MCU: variants seen among roughly 807,000 people sequenced by gnomAD.
MCU encodes the protein calcium uniporter protein, mitochondrial.
MCU carries 12 observed loss-of-function variants against 45.2 expected under a neutral mutation model. The observed-to-expected ratio is 0.27, with a 90% CI of 0.17 to 0.43. The LOEUF (loss-of-function observed/expected upper bound fraction) is 0.43. MCU is among the 20% of genes least tolerant of loss of function. MCU has a pLI of 1.00. For missense variants in MCU, 324 were observed against 436.7 expected, an observed-to-expected ratio of 0.74 and a Z score of 2.30; for synonymous variants, 160 against 165.1, an observed-to-expected ratio of 0.97 and a Z score of 0.24.
chr10:72,752,881 A>G (rs1171714966), intron 1 of MCU, among the ~76,000 whole-genome samples: 1 of 152,250 alleles, frequency 6.6e-6, no homozygotes, highest in Non-Finnish European at 1.5e-5. Flanking sequence ...ATTCATTTTG[A>G]AGTTGAAATG....
intron 1 of MCU, among the ~76,000 whole-genome samples, chr10:72,763,363 C>G (rs1051365149): frequency 1.3e-5 from 2 of 152,086 alleles, no homozygotes; most frequent in Non-Finnish European, 2.9e-5. Flanking sequence ...CTTCGAGGAG[C>G]AGATCAGCTG....
intron 2 of MCU, among the ~76,000 whole-genome samples, chr10:72,834,923 A>G (rs1016492696): frequency 1.3e-5 from 2 of 152,186 alleles, no homozygotes; most frequent in Non-Finnish European, 2.9e-5. Context: ...AAGTGCTGGG[A>G]TTATAGGCAT....
Position 72,822,122 on chromosome 10 carries a change from A to C in MCU, c.151-12237A>C, listed in dbSNP as rs545438492. On this transcript the variant is annotated intron_variant, in intron 1 of 7. Coordinates refer to ENST00000373053, the MANE Select transcript of MCU (RefSeq NM_138357.3). ...GAAACCCCATGTCTACTAAAAATAC[A>C]AAAATTAACCGGGCGTGGTGACAGA... 1.3e-4 allele frequency among the ~76,000 whole-genome samples: 20 copies of C among 152,244 alleles called. No homozygotes were observed. In the East Asian group the frequency reaches 3.5e-3, roughly 26 times the overall value.
At chr10:72,758,240 A>G (rs1843605335) in intron 1 of MCU, among the ~76,000 whole-genome samples, 1 of 152,194 alleles carries the variant, frequency 6.6e-6, no homozygotes, top group South Asian at 2.1e-4. Context: ...GTCTAAAACT[A>G]TGTTGTCCAG....
intron 1 of MCU, among the ~76,000 whole-genome samples, chr10:72,701,895 T>C (rs1842762903): frequency 6.6e-6 from 1 of 151,788 alleles, no homozygotes; most frequent in Non-Finnish European, 1.5e-5. Flanking sequence ...CTGTTAGAGG[T>C]CTAAGATATG....
intron 3 of MCU, 155 bp from the exon 4 acceptor site, chr10:72,860,268 A>G (rs2132870153): frequency 4.9e-6 from 3 of 608,760 alleles, no homozygotes; most frequent in Non-Finnish European, 5.8e-6. Flanking sequence ...CAGAGCTTCA[A>G]CCTAAACTTT....
chr10:72,804,605 AT>A (rs1844402092), intron 1 of MCU, among the ~76,000 whole-genome samples: 1 of 152,180 alleles, frequency 6.6e-6, no homozygotes, highest in African/African-American at 2.4e-5. Context: ...AACATAGTTG[AT>A]TGAAATTTGT....
intron 1 of MCU, among the ~76,000 whole-genome samples, chr10:72,717,988 G>A (rs2132668725): frequency 6.6e-6 from 1 of 152,048 alleles, no homozygotes; most frequent in South Asian, 2.1e-4. Context: ...ACATTACTTT[G>A]GTACATTTGT....
chr10:72,780,999 A>G (rs1428602483), intron 1 of MCU, among the ~76,000 whole-genome samples: 1 of 152,184 alleles, frequency 6.6e-6, no homozygotes, highest in Non-Finnish European at 1.5e-5. Flanking sequence ...TATTTTATTC[A>G]TTTATTTGGG....
intron 1 of MCU, among the ~76,000 whole-genome samples, chr10:72,713,526 C>T (rs769448753): frequency 6.6e-5 from 10 of 152,136 alleles, no homozygotes; most frequent in Admixed American, 2.0e-4. Flanking sequence ...GTGATCTGCC[C>T]GCCTCGCTAG....
At chr10:72,790,084 A>G (rs1844135997) in intron 1 of MCU, among the ~76,000 whole-genome samples, 2 of 152,194 alleles carry the variant, frequency 1.3e-5, no homozygotes, top group Admixed American at 6.5e-5. Flanking sequence ...TCTATATGGA[A>G]CTTGTTCTAT....
chr10:72,741,343 C>T lies in MCU; in HGVS notation c.150+49042C>T, dbSNP rs146708251. ...CTCAAACTCCTGACCTCAGGTGATC[C>T]GCCCGCCTTGGCCTTCCAAAGTGCT... On this transcript the variant is annotated intron_variant, in intron 1 of 7. Transcript: ENST00000373053. Among the ~76,000 whole-genome samples, 141 of 152,226 alleles carry T rather than the reference C, an allele frequency of 9.3e-4. 1 individual carries two copies. The East Asian group carries it at 0.018, about 20-fold the overall frequency.
chr10:72,831,809 A>T (rs1187094351), intron 1 of MCU, among the ~76,000 whole-genome samples: 1 of 152,192 alleles, frequency 6.6e-6, no homozygotes, highest in Non-Finnish European at 1.5e-5. Flanking sequence ...TCGCTATTGC[A>T]AAGGCCCTGA....
intron 2 of MCU, among the ~76,000 whole-genome samples, chr10:72,854,537 T>G (rs1245055370): frequency 6.6e-6 from 1 of 152,222 alleles, no homozygotes; most frequent in African/African-American, 2.4e-5. Context: ...TCCTCTAAAC[T>G]ATACCTAAAG....
chr10:72,747,529 A>T (rs1843431762), intron 1 of MCU, among the ~76,000 whole-genome samples: 1 of 152,180 alleles, frequency 6.6e-6, no homozygotes. Flanking sequence ...TATTTTGGAA[A>T]CACATAAAAA....
chr10:72,832,518 G>A (rs1011164982), intron 1 of MCU, among the ~76,000 whole-genome samples: 1 of 152,138 alleles, frequency 6.6e-6, no homozygotes, highest in Non-Finnish European at 1.5e-5. Context: ...GGAAAAAAGA[G>A]CCTACAGGAT....
At chr10:72,776,376 A>G (rs1439063940) in intron 1 of MCU, among the ~76,000 whole-genome samples, 1 of 152,256 alleles carries the variant, frequency 6.6e-6, no homozygotes, top group Non-Finnish European at 1.5e-5. Flanking sequence ...CACCATGATC[A>G]AGTGAAATTC....
intron 1 of MCU, among the ~76,000 whole-genome samples, chr10:72,781,626 GT>G (rs1477040477): frequency 6.6e-6 from 1 of 152,182 alleles, no homozygotes; most frequent in Non-Finnish European, 1.5e-5. Context: ...CAGATGTTTT[GT>G]TTTCCTGAGA....
chr10:72,822,182 G>A (rs995776425), intron 1 of MCU, among the ~76,000 whole-genome samples: 1 of 152,182 alleles, frequency 6.6e-6, no homozygotes, highest in African/African-American at 2.4e-5. Context: ...TGAGGCAGGA[G>A]AATTGCTTGA....
Sources: allele counts gnomAD v4.1 joint callset (sites outside exome capture counted in the v4.1 genomes callset), GRCh38; gene constraint gnomAD v4.1.1; transcripts MANE v1.5; gene names NCBI Gene and HGNC (gene_info 2026-07-23, HGNC 2026-07-21).